TMC1: variants seen among roughly 807,000 people sequenced by gnomAD.
The protein encoded by TMC1 is transmembrane channel like 1.
Under a neutral mutation model 105.8 loss-of-function variants are expected in TMC1, and 84 were observed. That is an observed-to-expected ratio of 0.79 (90% confidence interval 0.67 to 0.95). TMC1 has a LOEUF of 0.95. Ranked by LOEUF, TMC1 falls within the 40% of genes least tolerant of loss-of-function variation. The pLI is 0.00. For synonymous variants in TMC1, 315 were observed against 311.5 expected, an observed-to-expected ratio of 1.01 and a Z score of -0.12; for missense variants, 817 against 914.1, an observed-to-expected ratio of 0.89 and a Z score of 1.37.
intron 1 of TMC1, among the ~76,000 whole-genome samples, chr9:72,569,586 AG>A (rs1330161783): frequency 6.6e-6 from 1 of 152,170 alleles, no homozygotes; most frequent in Non-Finnish European, 1.5e-5. Context: ...TGGATGGGGC[AG>A]GGCATTTAGG....
intron 1 of TMC1, among the ~76,000 whole-genome samples, chr9:72,528,397 T>C (rs930297240): frequency 2.0e-5 from 3 of 151,152 alleles, no homozygotes; most frequent in Non-Finnish European, 3.0e-5. Flanking sequence ...TGCAATGGTG[T>C]GATCTCGGCT....
chr9:72,552,863 T>C (rs1823878862), intron 1 of TMC1, among the ~76,000 whole-genome samples: 1 of 152,226 alleles, frequency 6.6e-6, no homozygotes. Context: ...TTCAATGCTC[T>C]TTATCTTCTT....
At chr9:72,595,703 A>C (rs866982644) in intron 2 of TMC1, among the ~76,000 whole-genome samples, 77 of 136,680 alleles carry the variant, frequency 5.6e-4, no homozygotes, top group African/African-American at 2.1e-3. Flanking sequence ...TTTAGACTGA[A>C]TCTTGCTCTG....
At chr9:72,591,732 A>ATTTTG (rs71357595) in intron 2 of TMC1, among the ~76,000 whole-genome samples, 63,419 of 151,454 alleles carry the variant, frequency 0.42, 14,317 homozygotes, top group African/African-American at 0.59. Flanking sequence ...CACCATGGCT[A>ATTTTG]TTTGTTTGTT....
intron 12 of TMC1, among the ~76,000 whole-genome samples, chr9:72,772,089 G>A (rs1275020141): frequency 1.3e-5 from 2 of 152,114 alleles, no homozygotes; most frequent in African/African-American, 2.4e-5. Context: ...TCTTAAAATC[G>A]TAAATCTAAT....
intron 18 of TMC1, among the ~76,000 whole-genome samples, chr9:72,810,675 A>T (rs1345146191): frequency 6.6e-6 from 1 of 152,194 alleles, no homozygotes. Flanking sequence ...CCTAACACTG[A>T]TCATTTCCCA....
At chr9:72,541,065 C>A (rs1335444935) in intron 1 of TMC1, among the ~76,000 whole-genome samples, 1 of 152,148 alleles carries the variant, frequency 6.6e-6, no homozygotes, top group African/African-American at 2.4e-5. Flanking sequence ...TTTAAATCTA[C>A]CCTCCTTTCC....
At chr9:72,683,335 A>G (rs1826317921) in intron 5 of TMC1, among the ~76,000 whole-genome samples, 1 of 152,132 alleles carries the variant, frequency 6.6e-6, no homozygotes, top group Non-Finnish European at 1.5e-5. Flanking sequence ...CATAGCTTAT[A>G]TACATATACA....
chr9:72,835,891 T>G, intron 23 of TMC1, 60 bp from the exon 24 acceptor site: 2 of 1,568,038 alleles, frequency 1.3e-6, no homozygotes, highest in South Asian at 1.1e-5. Flanking sequence ...TTGCCTCCTG[T>G]TCATCTTCTC....
chr9:72,655,022 A>G (rs2132155760), intron 5 of TMC1, among the ~76,000 whole-genome samples: 1 of 152,256 alleles, frequency 6.6e-6, no homozygotes, highest in South Asian at 2.1e-4. Context: ...TGTAATCCCC[A>G]TGATCCCCAT....
At chr9:72,784,888 T>A (rs995593473) in intron 13 of TMC1, among the ~76,000 whole-genome samples, 2 of 152,074 alleles carry the variant, frequency 1.3e-5, no homozygotes, top group African/African-American at 4.8e-5. Flanking sequence ...AAGCTAAACA[T>A]TGAGTACACA....
intron 6 of TMC1, among the ~76,000 whole-genome samples, chr9:72,694,165 A>G (rs1826511870): frequency 6.6e-6 from 1 of 152,168 alleles, no homozygotes; most frequent in Admixed American, 6.5e-5. Context: ...ATCACTCAAC[A>G]ATTATGTAAT....
intron 1 of TMC1, among the ~76,000 whole-genome samples, chr9:72,523,347 G>A (rs1287958862): frequency 2.6e-5 from 4 of 152,014 alleles, no homozygotes; most frequent in Middle Eastern, 6.3e-3. Flanking sequence ...CGACCCTTGC[G>A]TAGTCAAAAA....
At chr9:72,662,448 C>T (rs1341691690) in intron 5 of TMC1, among the ~76,000 whole-genome samples, 4 of 151,478 alleles carry the variant, frequency 2.6e-5, no homozygotes, top group African/African-American at 4.9e-5. Context: ...CCACTGGCCT[C>T]GGCGTCCTAG....
intron 4 of TMC1, among the ~76,000 whole-genome samples, chr9:72,644,071 C>T (rs1825672431): frequency 6.6e-6 from 1 of 152,058 alleles, no homozygotes; most frequent in South Asian, 2.1e-4. Flanking sequence ...TCATTATCTT[C>T]CTTGGTCAAA....
intron 2 of TMC1, among the ~76,000 whole-genome samples, chr9:72,603,392 C>T (rs1824852518): frequency 8.4e-6 from 1 of 119,256 alleles, no homozygotes; most frequent in East Asian, 2.0e-4. Flanking sequence ...CCACTACACA[C>T]ACACACACAC....
intron 8 of TMC1, 69 bp from the exon 9 acceptor site, chr9:72,740,050 C>G (rs1427909786): frequency 1.7e-6 from 2 of 1,202,002 alleles, no homozygotes; most frequent in African/African-American, 3.0e-5. Context: ...TTCAAATGTC[C>G]ACTACTTCTG....
intron 2 of TMC1, among the ~76,000 whole-genome samples, chr9:72,600,443 C>A (rs1824788541): frequency 6.6e-6 from 1 of 152,120 alleles, no homozygotes; most frequent in Non-Finnish European, 1.5e-5. Context: ...ATCACCAATA[C>A]TGTGGGCTCT....
At chr9:72,676,261 C>G (rs527282061) in intron 5 of TMC1, among the ~76,000 whole-genome samples, 2 of 152,230 alleles carry the variant, frequency 1.3e-5, no homozygotes, top group South Asian at 4.1e-4. Flanking sequence ...CTAATATCAT[C>G]TCAGACTAAA....
Sources: gnomAD v4.1 joint callset for allele counts (sites outside exome capture counted in the v4.1 genomes callset) on GRCh38, gnomAD v4.1.1 for gene constraint, MANE v1.5 for transcripts, NCBI Gene and HGNC (gene_info 2026-07-23, HGNC 2026-07-21) for gene names.